The following ZNF44 variants were observed in gnomAD, a reference collection of about 807,000 sequenced individuals.
ZNF44 encodes the protein gonadotropin inducible transcription repressor-2.
A neutral mutation model predicts 11.7 loss-of-function variants in ZNF44; 9 were observed. That is an observed-to-expected ratio of 0.77 (90% CI 0.46 to 1.35). ZNF44 has a LOEUF of 1.35. Among genes scored for constraint, ZNF44 ranks in the 40% most tolerant of loss-of-function variants. The pLI is 0.00. For synonymous variants in ZNF44, 224 were observed against 242.7 expected, an observed-to-expected ratio of 0.92 and a Z score of 0.72; for missense variants, 696 against 743.1, an observed-to-expected ratio of 0.94 and a Z score of 0.74.
At chr19:12,285,111 A>G (rs759715206) in intron 1 of ZNF44, 23 of 643,190 alleles carry the variant, frequency 3.6e-5, no homozygotes, top group Middle Eastern at 4.4e-4. Flanking sequence ...TCAGGAATTC[A>G]CTGACCACCT....
intron 5 of ZNF44, chr19:12,266,239 C>A (rs1917722389): frequency 1.0e-6 from 1 of 985,204 alleles, no homozygotes; most frequent in Non-Finnish European, 1.2e-6. Flanking sequence ...CCAGCCCCTC[C>A]TCCCGCGTGT....
intron 5 of ZNF44, among the ~76,000 whole-genome samples, chr19:12,252,973 C>T (rs1050695446): frequency 2.7e-5 from 4 of 149,646 alleles, no homozygotes; most frequent in Admixed American, 1.3e-4. Context: ...CTGCAACCTC[C>T]GCCTCCAGGG....
At chr19:12,284,716 G>A (rs572816323) in intron 1 of ZNF44, 5 of 736,972 alleles carry the variant, frequency 6.8e-6, no homozygotes, top group East Asian at 2.7e-5. Flanking sequence ...GGCCATGTCC[G>A]TCTGGGAGTT....
chr19:12,227,894 G>C (rs1161638294), intron 3 of ZNF44, among the ~76,000 whole-genome samples: 1 of 152,108 alleles, frequency 6.6e-6, no homozygotes, highest in East Asian at 1.9e-4. Context: ...AGTGTGCTAT[G>C]AATATTAAAC....
intron 1 of ZNF44, among the ~76,000 whole-genome samples, chr19:12,287,276 C>T (rs890969131): frequency 2.0e-5 from 3 of 151,894 alleles, no homozygotes; most frequent in South Asian, 2.1e-4. Flanking sequence ...GACGGAATCT[C>T]GCTCTGTCAC....
At chr19:12,269,947 ATTATT>A (rs879760693), downstream of ZNF44, among the ~76,000 whole-genome samples, 136 of 152,348 alleles carry the variant, frequency 8.9e-4, no homozygotes, top group African/African-American at 2.6e-3. Flanking sequence ...TGCAAGAAAT[ATTATT>A]TTAAGTCAAT....
At chr19:12,229,773 C>T (rs927478407) in intron 3 of ZNF44, among the ~76,000 whole-genome samples, 6 of 152,114 alleles carry the variant, frequency 3.9e-5, no homozygotes, top group East Asian at 1.9e-4. Context: ...CCAGCACACC[C>T]GGCTAATTTT....
intron 2 of ZNF44, among the ~76,000 whole-genome samples, chr19:12,233,830 G>A (rs1026835731): frequency 5.3e-5 from 8 of 152,058 alleles, no homozygotes; most frequent in South Asian, 2.1e-4. Context: ...TTGGGAGACC[G>A]AGGCAGGTGG....
chr19:12,252,249 G>T (rs1917038900), intron 5 of ZNF44, among the ~76,000 whole-genome samples: 1 of 152,096 alleles, frequency 6.6e-6, no homozygotes, highest in South Asian at 2.1e-4. Flanking sequence ...GATAAGAGTT[G>T]AATTGAACTT....
intron 3 of ZNF44, among the ~76,000 whole-genome samples, chr19:12,229,444 T>C (rs1304909834): frequency 6.6e-6 from 1 of 152,146 alleles, no homozygotes; most frequent in African/African-American, 2.4e-5. Flanking sequence ...GAAACCGTTT[T>C]AGGATTTTAT....
Position 12,231,115 on chromosome 19 carries a change from G to A in ZNF44, n.381-600C>T, listed in dbSNP as rs144120163. Among the ~76,000 whole-genome samples the A allele has an allele frequency of 2.9e-3, 435 of 151,556 alleles. 1 individual carries two copies. The highest frequency in any genetic ancestry group is 9.6e-3 in the African/African-American group (393 of 40,962). On this transcript the variant is annotated intron_variant and non_coding_transcript_variant, in intron 2 of 3. Transcript: ENST00000597563. ...GTCCACGATGGTGATGCTTCTACTC[G>A]GTCACCCAGCCTCTAGTCAAAGGCT...
chr19:12,252,889 T>TTA (rs1917072840), intron 5 of ZNF44, among the ~76,000 whole-genome samples: 1 of 131,610 alleles, frequency 7.6e-6, no homozygotes, highest in African/African-American at 2.9e-5. Flanking sequence ...TTTTTTTTTT[T>TTA]TTTTTTTTTT....
intron 1 of ZNF44, among the ~76,000 whole-genome samples, chr19:12,277,050 C>A (rs934054250): frequency 2.0e-5 from 3 of 152,140 alleles, no homozygotes; most frequent in Non-Finnish European, 4.4e-5. Flanking sequence ...GTTCTGGTAT[C>A]CTGTTGTAAG....
At chr19:12,251,138 C>T (rs916039306) in intron 5 of ZNF44, among the ~76,000 whole-genome samples, 11 of 151,942 alleles carry the variant, frequency 7.2e-5, no homozygotes, top group Non-Finnish European at 1.6e-4. Flanking sequence ...TCCAGACCAG[C>T]CTGGCTAAAA....
chr19:12,291,778 G>A (rs1968016957), intron 1 of ZNF44, among the ~76,000 whole-genome samples: 2 of 151,898 alleles, frequency 1.3e-5, no homozygotes, highest in Admixed American at 1.3e-4. Context: ...GATCACCTGA[G>A]GTCAGGAGTT....
At chr19:12,281,480 G>C (rs1350400674) in intron 1 of ZNF44, among the ~76,000 whole-genome samples, 1 of 152,032 alleles carries the variant, frequency 6.6e-6, no homozygotes, top group East Asian at 1.9e-4. Context: ...AGAAAGTAAA[G>C]GTTTAAAATC....
At chr19:12,289,696 G>A (rs1967922600) in intron 1 of ZNF44, among the ~76,000 whole-genome samples, 1 of 137,586 alleles carries the variant, frequency 7.3e-6, no homozygotes, top group Non-Finnish European at 1.5e-5. Flanking sequence ...CCAGGCTGAA[G>A]TGCAGTGGCA....
At chr19:12,262,613 T>C (rs1027687191) in intron 5 of ZNF44, among the ~76,000 whole-genome samples, 4 of 152,020 alleles carry the variant, frequency 2.6e-5, no homozygotes, top group Admixed American at 2.6e-4. Context: ...AAATGTCACA[T>C]CCTCTAGGGC....
chr19:12,237,203 C>T (rs1292990880), intron 1 of ZNF44: 3 of 152,316 alleles, frequency 2.0e-5, no homozygotes, highest in Non-Finnish European at 4.4e-5. Flanking sequence ...TCTGGGGAGA[C>T]GCGGGGCCGC....
Sources: gnomAD v4.1 joint callset for allele counts (sites outside exome capture counted in the v4.1 genomes callset) on GRCh38, gnomAD v4.1.1 for gene constraint, MANE v1.5 for transcripts, NCBI Gene and HGNC (gene_info 2026-07-23, HGNC 2026-07-21) for gene names.